HIVEP3: variants seen among roughly 807,000 people sequenced by gnomAD.
HIVEP3 encodes transcription factor HIVEP3.
Under a neutral mutation model 152.8 loss-of-function variants are expected in HIVEP3, and 49 were observed. That is an observed-to-expected ratio of 0.32 (90% CI 0.26 to 0.41). The LOEUF (loss-of-function observed/expected upper bound fraction) is 0.41. Among genes scored for constraint, HIVEP3 ranks in the 10% least tolerant of loss-of-function variants. The pLI is 1.00. For synonymous variants in HIVEP3, 1,269 were observed against 1,289.0 expected, an observed-to-expected ratio of 0.98 and a Z score of 0.33; for missense variants, 2,790 against 3,103.3, an observed-to-expected ratio of 0.90 and a Z score of 2.40.
At chr1:41,594,050 A>G (rs1644627910) in intron 3 of HIVEP3, among the ~76,000 whole-genome samples, 1 of 151,972 alleles carries the variant, frequency 6.6e-6, no homozygotes. Context: ...TTGTGATTAC[A>G]TTGAGTCCAC....
Position 41,966,649 on chromosome 1 carries a change from T to G in HIVEP3, n.120-48125A>C, listed in dbSNP as rs1645200294. On this transcript the variant is annotated intron_variant and non_coding_transcript_variant, in intron 1 of 3. Transcript: ENST00000489103. ...TCACCGTGCCCAGCTAATTTTTTTTTTTTTTGTATTTTTAGTAGAGACGGG... is the reference window on the plus strand; with the variant it reads ...TCACCGTGCCCAGCTAATTTTTTTTGTTTTTGTATTTTTAGTAGAGACGGG... Among the ~76,000 whole-genome samples, 4 of 151,258 alleles carry G rather than the reference T, an allele frequency of 2.6e-5. No individual in the cohort carries two copies. The South Asian group carries it at 8.4e-4, about 32-fold the overall frequency.
At chr1:41,789,020 C>T (rs1178063411) in intron 1 of HIVEP3, among the ~76,000 whole-genome samples, 1 of 152,218 alleles carries the variant, frequency 6.6e-6, no homozygotes, top group East Asian at 1.9e-4. Flanking sequence ...TCTAGGTACC[C>T]AGTGAGTCAG....
At chr1:41,528,228 T>TCA (rs1307003520) in intron 5 of HIVEP3, among the ~76,000 whole-genome samples, 1 of 30,570 alleles carries the variant, frequency 3.3e-5, no homozygotes, top group African/African-American at 1.4e-4. Context: ...CACTCCACCC[T>TCA]CACACCCTCA....
At chr1:41,827,103 C>T (rs1308679715) in intron 1 of HIVEP3, among the ~76,000 whole-genome samples, 1 of 152,220 alleles carries the variant, frequency 6.6e-6, no homozygotes, top group Non-Finnish European at 1.5e-5. Flanking sequence ...GGTCACCACG[C>T]TGCCCCAGAG....
At chr1:41,907,298 T>C (rs1045769791) in intron 1 of HIVEP3, among the ~76,000 whole-genome samples, 2 of 152,056 alleles carry the variant, frequency 1.3e-5, no homozygotes, top group Non-Finnish European at 2.9e-5. Flanking sequence ...GGAGAGGGGC[T>C]ACAGTAAAAG....
At chr1:41,744,134 G>A (rs1010874704) in intron 1 of HIVEP3, among the ~76,000 whole-genome samples, 1 of 152,116 alleles carries the variant, frequency 6.6e-6, no homozygotes, top group African/African-American at 2.4e-5. Context: ...CCGCCTCCAG[G>A]TTCAAGCGAT....
intron 2 of HIVEP3, among the ~76,000 whole-genome samples, chr1:41,657,185 A>G (rs1055643568): frequency 6.6e-6 from 1 of 152,206 alleles, no homozygotes; most frequent in Non-Finnish European, 1.5e-5. Flanking sequence ...CAACCTCCCG[A>G]CACTCCCACA....
chr1:41,835,265 C>A (rs566001616), intron 1 of HIVEP3, among the ~76,000 whole-genome samples: 1 of 152,274 alleles, frequency 6.6e-6, no homozygotes, highest in East Asian at 1.9e-4. Flanking sequence ...TTTCACAGCT[C>A]TGGAGGCTAC....
intron 1 of HIVEP3, among the ~76,000 whole-genome samples, chr1:41,760,251 T>C (rs573618570): frequency 4.8e-4 from 73 of 152,318 alleles, no homozygotes; most frequent in African/African-American, 1.7e-3. Context: ...AGTCAATTCA[T>C]GGAAAGCATT....
intron 1 of HIVEP3, among the ~76,000 whole-genome samples, chr1:41,882,267 A>G (rs1046661624): frequency 2.6e-5 from 4 of 152,352 alleles, no homozygotes; most frequent in Admixed American, 2.6e-4. Flanking sequence ...AACAGCTGCG[A>G]GCTGCACGCG....
chr1:41,938,232 AT>A (rs1207393179), intron 1 of HIVEP3, among the ~76,000 whole-genome samples: 1 of 152,092 alleles, frequency 6.6e-6, no homozygotes, highest in Non-Finnish European at 1.5e-5. Context: ...TCTCCCCTAT[AT>A]GGCATGGACC....
Position 41,579,737 on chromosome 1 carries a change from C to G in HIVEP3, c.5061G>C (p.Glu1687Asp), listed in dbSNP as rs1644371271. The change falls in exon 4 of 9, where the codon GAG (glutamate) becomes GAC (aspartate). Residue 1687 changes from glutamate to aspartate, a missense_variant and splice_region_variant. Coordinates refer to ENST00000372583, the MANE Select transcript of HIVEP3 (RefSeq NM_024503.5). Reference protein sequence around the residue: ...PSSSRKPRMTEVHLPSLVSPE... With the variant: ...PSSSRKPRMTDVHLPSLVSPE... ...AGAAGAAAAACAAGGCTGAACTTAC[C>G]TCTGTCATGCGGGGCTTGCGGGAGC... is the stretch of plus-strand genomic sequence containing the variant. 6.4e-7 allele frequency: 1 copy of G among 1,560,564 alleles called. No individual in the cohort carries two copies. The highest frequency in any genetic ancestry group is 8.7e-7 in the Non-Finnish European group (1 of 1,150,348).
chr1:41,945,270 C>T (rs1181790905), intron 1 of HIVEP3, among the ~76,000 whole-genome samples: 4 of 152,134 alleles, frequency 2.6e-5, no homozygotes, highest in African/African-American at 9.7e-5. Flanking sequence ...AAACAATGAA[C>T]CAAAGAGTGC....
At chr1:41,712,187 G>A (rs927674311) in intron 1 of HIVEP3, among the ~76,000 whole-genome samples, 1 of 152,268 alleles carries the variant, frequency 6.6e-6, no homozygotes, top group Non-Finnish European at 1.5e-5. Context: ...ACTGCGTGAA[G>A]CAGAGACAGA....
At chr1:41,728,385 G>A (rs1466272286) in intron 1 of HIVEP3, among the ~76,000 whole-genome samples, 1 of 152,298 alleles carries the variant, frequency 6.6e-6, no homozygotes, top group African/African-American at 2.4e-5. Flanking sequence ...AAGGACATGA[G>A]CAGGCTGTAA....
intron 5 of HIVEP3, among the ~76,000 whole-genome samples, chr1:41,574,065 C>G (rs1184491075): frequency 6.6e-6 from 1 of 152,154 alleles, no homozygotes; most frequent in African/African-American, 2.4e-5. Context: ...ACCTGCCTCT[C>G]AGGGAAGATG....
chr1:42,023,360 C>T (rs1024278), intron 1 of HIVEP3, among the ~76,000 whole-genome samples: 64,876 of 152,016 alleles, frequency 0.43, 16,098 homozygotes, highest in East Asian at 0.71. Flanking sequence ...CCCTTCCCTA[C>T]GCAGAGATCA....
intron 1 of HIVEP3, among the ~76,000 whole-genome samples, chr1:41,828,855 T>C (rs920549617): frequency 6.6e-6 from 1 of 152,274 alleles, no homozygotes; most frequent in Non-Finnish European, 1.5e-5. Context: ...AGTGCAGCTC[T>C]TTAAAGTCTA....
intron 1 of HIVEP3, among the ~76,000 whole-genome samples, chr1:41,956,750 G>A (rs1013439927): frequency 6.6e-6 from 1 of 152,144 alleles, no homozygotes; most frequent in Non-Finnish European, 1.5e-5. Flanking sequence ...TTTTAATTTT[G>A]TTTGAATATA....
Sources: allele counts gnomAD v4.1 joint callset (sites outside exome capture counted in the v4.1 genomes callset), GRCh38; gene constraint gnomAD v4.1.1; transcripts MANE v1.5; gene names NCBI Gene and HGNC (gene_info 2026-07-23, HGNC 2026-07-21).